PPARGC1A: variants seen among roughly 807,000 people sequenced by gnomAD.
PPARGC1A encodes peroxisome proliferator-activated receptor gamma coactivator 1-alpha.
Under a neutral mutation model 88.7 loss-of-function variants are expected in PPARGC1A, and 25 were observed. The observed-to-expected ratio is 0.28, with a 90% confidence interval of 0.21 to 0.39. The LOEUF (loss-of-function observed/expected upper bound fraction) is 0.39. PPARGC1A is among the 10% of genes least tolerant of loss of function. The pLI is 1.00. For synonymous variants in PPARGC1A, 363 were observed against 355.6 expected, an observed-to-expected ratio of 1.02 and a Z score of -0.24; for missense variants, 880 against 968.7, an observed-to-expected ratio of 0.91 and a Z score of 1.22.
the PPARGC1A span, among the ~76,000 whole-genome samples, chr4:24,055,022 A>G: frequency 1.8e-4 from 28 of 152,330 alleles, no homozygotes; most frequent in Middle Eastern, 6.8e-3. Context: ...CCTTTTACCG[A>G]TGAGGAAGTT....
At chr4:23,935,033 C>T in the PPARGC1A span, among the ~76,000 whole-genome samples, 1 of 152,202 alleles carries the variant, frequency 6.6e-6, no homozygotes, top group Non-Finnish European at 1.5e-5. Context: ...CGAGGTTCTG[C>T]TCACATGCTT....
intron 2 of PPARGC1A, among the ~76,000 whole-genome samples, chr4:23,856,053 C>T (rs1413531240): frequency 6.6e-6 from 1 of 152,164 alleles, no homozygotes; most frequent in Non-Finnish European, 1.5e-5. Context: ...TCCCCAGGTT[C>T]TCCCACCATG....
chr4:23,820,511 CAA>C (rs1560370470), intron 7 of PPARGC1A: 1 of 282,410 alleles, frequency 3.5e-6, no homozygotes, highest in South Asian at 3.0e-5. Context: ...ATTTCAGAAA[CAA>C]AAAAGTGTAG....
the PPARGC1A span, among the ~76,000 whole-genome samples, chr4:24,051,401 T>C: frequency 5.3e-5 from 8 of 152,160 alleles, no homozygotes; most frequent in African/African-American, 1.9e-4. Context: ...TCAATAATGA[T>C]AGTTATTTAT....
chr4:23,829,361 G>C (rs1337402809), intron 4 of PPARGC1A, 102 bp downstream of exon 4: 4 of 1,279,882 alleles, frequency 3.1e-6, no homozygotes, highest in Middle Eastern at 2.6e-4. Context: ...AGGCAGCTTC[G>C]GGGTCCCAGC....
chr4:23,831,061 A>G (rs1173290126), intron 3 of PPARGC1A, among the ~76,000 whole-genome samples: 6 of 152,232 alleles, frequency 3.9e-5, no homozygotes, highest in Non-Finnish European at 7.3e-5. Flanking sequence ...AGAAGAAAAA[A>G]CTAAATATCC....
chr4:24,205,800 G>C, the PPARGC1A span, among the ~76,000 whole-genome samples: 1 of 152,126 alleles, frequency 6.6e-6, no homozygotes, highest in Non-Finnish European at 1.5e-5. Context: ...TTCTGCTGCA[G>C]GTTCATATTG....
chr4:24,410,042 C>G, the PPARGC1A span, among the ~76,000 whole-genome samples: 1 of 152,186 alleles, frequency 6.6e-6, no homozygotes, highest in African/African-American at 2.4e-5. Flanking sequence ...GTATCAAGAA[C>G]TACAATTCTA....
At chr4:24,310,289 A>G in the PPARGC1A span, among the ~76,000 whole-genome samples, 6 of 152,152 alleles carry the variant, frequency 3.9e-5, no homozygotes, top group Admixed American at 1.3e-4. Context: ...TCAACTAAAA[A>G]CCACAAAAAT....
At chr4:23,887,082 C>T (rs1717040051) in intron 1 of PPARGC1A, among the ~76,000 whole-genome samples, 1 of 152,152 alleles carries the variant, frequency 6.6e-6, no homozygotes, top group African/African-American at 2.4e-5. Flanking sequence ...TTTAACCTTC[C>T]ATAAATATGT....
At chr4:24,324,457 T>G in the PPARGC1A span, among the ~76,000 whole-genome samples, 7 of 152,106 alleles carry the variant, frequency 4.6e-5, no homozygotes, top group Non-Finnish European at 8.8e-5. Flanking sequence ...TCTACTCTTT[T>G]CTCTGGGCTT....
chr4:24,438,064 C>A, the PPARGC1A span, among the ~76,000 whole-genome samples: 1 of 152,108 alleles, frequency 6.6e-6, no homozygotes, highest in African/African-American at 2.4e-5. Context: ...GGGACAGATC[C>A]AGCAAGAGGA....
chr4:24,268,100 T>C, the PPARGC1A span, among the ~76,000 whole-genome samples: 1 of 152,246 alleles, frequency 6.6e-6, no homozygotes, highest in Non-Finnish European at 1.5e-5. Flanking sequence ...AATATAAAGT[T>C]CTGGATCTTG....
chr4:24,443,407 G>A, the PPARGC1A span, among the ~76,000 whole-genome samples: 3 of 152,204 alleles, frequency 2.0e-5, no homozygotes, highest in East Asian at 3.9e-4. Flanking sequence ...ATCTGGCTCT[G>A]GCACTGGGGA....
At chr4:24,278,284 A>G in the PPARGC1A span, among the ~76,000 whole-genome samples, 5 of 152,246 alleles carry the variant, frequency 3.3e-5, no homozygotes, top group African/African-American at 1.2e-4. Context: ...TGTACCAAGC[A>G]TAATTTAGGA....
the PPARGC1A span, among the ~76,000 whole-genome samples, chr4:24,378,289 A>T: frequency 6.6e-6 from 1 of 152,208 alleles, no homozygotes; most frequent in Admixed American, 6.5e-5. Context: ...GTGAGCAGAG[A>T]TCATGCCACT....
At chr4:24,294,587 C>A in the PPARGC1A span, among the ~76,000 whole-genome samples, 1 of 152,128 alleles carries the variant, frequency 6.6e-6, no homozygotes, top group Non-Finnish European at 1.5e-5. Flanking sequence ...ACTTCCCCAC[C>A]CCCACTCCCA....
the PPARGC1A span, among the ~76,000 whole-genome samples, chr4:24,138,654 T>C: frequency 2.6e-5 from 4 of 152,150 alleles, no homozygotes; most frequent in African/African-American, 9.6e-5. Context: ...TAGTCCCTGC[T>C]TGTTCTTGTT....
chr4:24,336,322 C>A, the PPARGC1A span, among the ~76,000 whole-genome samples: 1 of 152,148 alleles, frequency 6.6e-6, no homozygotes, highest in Non-Finnish European at 1.5e-5. Context: ...AGGTACATCT[C>A]GAGCTGGGAT....
Sources: allele counts gnomAD v4.1 joint callset (sites outside exome capture counted in the v4.1 genomes callset), GRCh38; gene constraint gnomAD v4.1.1; transcripts MANE v1.5; gene names NCBI Gene and HGNC (gene_info 2026-07-23, HGNC 2026-07-21).